FBXO33: variants seen among roughly 807,000 people sequenced by gnomAD.
The protein encoded by FBXO33 is F-box only protein 33.
FBXO33 carries 22 observed loss-of-function variants against 46.3 expected under a neutral mutation model. The ratio of observed to expected loss-of-function variants is 0.48; its 90% confidence interval spans 0.34 to 0.68. The LOEUF is 0.68. Among genes scored for constraint, FBXO33 ranks in the 30% least tolerant of loss-of-function variants. FBXO33 has a pLI of 0.01. For synonymous variants in FBXO33, 337 were observed against 291.3 expected (o/e 1.16, Z -1.60); for missense variants, 692 against 708.8 (o/e 0.98, Z 0.27).
At chr14:39,428,769 A>C (rs1002899698) in intron 1 of FBXO33, among the ~76,000 whole-genome samples, 16 of 152,334 alleles carry the variant, frequency 1.1e-4, no homozygotes, top group African/African-American at 3.8e-4. Context: ...TTAAATGCTA[A>C]AAATGCATTT....
chr14:39,430,149 T>C (rs756198940), intron 1 of FBXO33, among the ~76,000 whole-genome samples: 10 of 152,192 alleles, frequency 6.6e-5, no homozygotes, highest in Non-Finnish European at 1.3e-4. Context: ...GGTCAGTTGG[T>C]CCTCTAGCCA....
intron 1 of FBXO33, among the ~76,000 whole-genome samples, chr14:39,408,695 A>G (rs1165140982): frequency 2.7e-5 from 4 of 147,338 alleles, no homozygotes; most frequent in African/African-American, 1.0e-4. Flanking sequence ...TTTTCAGTAG[A>G]TACAGGTTTC....
rs897637203 is a variant in FBXO33 at position 39,398,278 on chromosome 14, C to T, written c.*1238G>A. 1 of 152,586 alleles carries T rather than the reference C, an allele frequency of 6.6e-6. No individual in the cohort carries two copies. The highest frequency in any genetic ancestry group is 2.4e-5 in the African/African-American group (1 of 41,428). The allele number at this position is 152,586 out of a possible 1,614,324, so 9.5% of individuals were successfully genotyped here. A position where few individuals can be genotyped will look rare whatever the true frequency, so the allele number is the denominator to read the frequency against. ...TCTCACAGAGACCACGTCTGTACCG[C>T]GGTTGCCCTGAAACAGTTAATAGGC... On this transcript the variant is annotated 3_prime_UTR_variant, in exon 4 of 4. Transcript: ENST00000298097.
rs751717256 is a variant in FBXO33 at position 39,431,857 on chromosome 14, G to A, written c.306C>T (p.Leu102=). The A allele has an allele frequency of 2.5e-6, 4 of 1,593,724 alleles. No homozygotes were observed. The highest frequency in any genetic ancestry group is 2.3e-5 in the East Asian group (1 of 44,360). ...GCTGGGGCCACAGGGCCGGATAGAA[G>A]AGGCACTCACGCCAGTGCGAGCAGG... is the stretch of plus-strand genomic sequence containing the variant. The part of the protein sequence containing the change: ...SASCSHWREC[L]FYPALWPQLR... Residue 102 remains leucine (L), a synonymous_variant, in exon 1 of 4, where the codon CTC becomes CTT. Coordinates refer to ENST00000298097, the MANE Select transcript of FBXO33 (RefSeq NM_203301.4).
chr14:39,426,453 A>T (rs1365007835), intron 1 of FBXO33, among the ~76,000 whole-genome samples: 1 of 152,218 alleles, frequency 6.6e-6, no homozygotes, highest in Admixed American at 6.5e-5. Flanking sequence ...TAAAATGGCC[A>T]GGGTGATTGT....
chr14:39,418,301 G>C (rs965690611), intron 1 of FBXO33, among the ~76,000 whole-genome samples: 11 of 150,172 alleles, frequency 7.3e-5, no homozygotes, highest in South Asian at 2.1e-4. Context: ...CTGACCTCGT[G>C]ATCCGCCTGC....
chr14:39,418,098 C>T (rs1455238354), intron 1 of FBXO33, among the ~76,000 whole-genome samples: 1 of 151,734 alleles, frequency 6.6e-6, no homozygotes, highest in Non-Finnish European at 1.5e-5. Context: ...GAGTCTTGCT[C>T]TGTCACCCAG....
chr14:39,411,151 A>G (rs1445057499), intron 1 of FBXO33, among the ~76,000 whole-genome samples: 1 of 151,672 alleles, frequency 6.6e-6, no homozygotes, highest in Non-Finnish European at 1.5e-5. Context: ...GCTGGAGTGC[A>G]GTGGTGTGAT....
chr14:39,405,106 G>C (rs1038865015), intron 1 of FBXO33, among the ~76,000 whole-genome samples: 6 of 145,144 alleles, frequency 4.1e-5, no homozygotes, highest in Non-Finnish European at 8.9e-5. Context: ...CCGAGATCAC[G>C]CCATTGCGTG....
chr14:39,414,378 A>G (rs998711884), intron 1 of FBXO33, among the ~76,000 whole-genome samples: 9 of 152,220 alleles, frequency 5.9e-5, no homozygotes, highest in African/African-American at 2.2e-4. Context: ...TTCATCTTCT[A>G]TCCAGACCAC....
intron 1 of FBXO33, among the ~76,000 whole-genome samples, chr14:39,427,629 T>A (rs1205028257): frequency 1.3e-5 from 2 of 152,120 alleles, no homozygotes; most frequent in Non-Finnish European, 2.9e-5. Flanking sequence ...TCCAGGGAAT[T>A]TTTAACCCAT....
chr14:39,411,863 A>G (rs1311003974), intron 1 of FBXO33, among the ~76,000 whole-genome samples: 1 of 152,096 alleles, frequency 6.6e-6, no homozygotes, highest in African/African-American at 2.4e-5. Flanking sequence ...TAATTTCCAT[A>G]TATTTGTAAA....
Position 39,406,651 on chromosome 14 carries a change from G to A in FBXO33, c.600-4140C>T, listed in dbSNP as rs558921436. On this transcript the variant is annotated intron_variant, in intron 1 of 3. Transcript: ENST00000298097. ...TTGCAGTCTAGAATTTTAGGGCAGA[G>A]TACCAGAGACAAACTGTACAGAAAG... Among the ~76,000 whole-genome samples, 6 of 152,256 alleles carry A rather than the reference G, an allele frequency of 3.9e-5. No individual in the cohort carries two copies. The East Asian group carries it at 1.2e-3, about 29-fold the overall frequency.
intron 1 of FBXO33, among the ~76,000 whole-genome samples, chr14:39,410,209 TTCC>T (rs1157892393): frequency 5.9e-5 from 9 of 152,208 alleles, no homozygotes; most frequent in Non-Finnish European, 1.2e-4. Flanking sequence ...TTGAGGTACA[TTCC>T]TCCTATGGTT....
chr14:39,407,408 A>T lies in FBXO33; in HGVS notation c.600-4897T>A, dbSNP rs537437171. 3.9e-5 allele frequency among the ~76,000 whole-genome samples: 6 copies of T among 152,362 alleles called. No individual in the cohort carries two copies. In the South Asian group the frequency reaches 1.2e-3, roughly 32 times the overall value. On this transcript the variant is annotated intron_variant, in intron 1 of 3. Coordinates refer to ENST00000298097, the MANE Select transcript of FBXO33 (RefSeq NM_203301.4). ...TACAACAGATCTCTAGAAATTTTTC[A>T]TCTTGCAGAACAGAAATTTTATACT...
chr14:39,421,324 A>G (rs1251051705), intron 1 of FBXO33, among the ~76,000 whole-genome samples: 1 of 152,144 alleles, frequency 6.6e-6, no homozygotes, highest in African/African-American at 2.4e-5. Context: ...CACCTTAAGG[A>G]GTATACGTGA....
intron 1 of FBXO33, among the ~76,000 whole-genome samples, chr14:39,415,811 T>A (rs1318950770): frequency 6.6e-6 from 1 of 152,054 alleles, no homozygotes; most frequent in East Asian, 1.9e-4. Flanking sequence ...GGTTTACAGG[T>A]ACCCCCTACC....
Position 39,432,055 on chromosome 14 carries a change from T to G in FBXO33, c.108A>C (p.Arg36=). The G allele has an allele frequency of 4.9e-6, 6 of 1,221,070 alleles. No homozygotes were observed. The highest frequency in any genetic ancestry group is 2.8e-5 in the South Asian group (1 of 35,338). The allele number at this position is 1,221,070 out of a possible 1,614,324, so 75.6% of individuals were successfully genotyped here. A position where few individuals can be genotyped will look rare whatever the true frequency, so the allele number is the denominator to read the frequency against. Residue 36 remains arginine (R), a synonymous_variant, in exon 1 of 4, where the codon CGA becomes CGC. Transcript: ENST00000298097. ...RWRRLRLQQL[R]RLRGLLRVLR... ...GTACCCGGAGCAGCCCCCGCAGCCG[T>G]CGCAGCTGCTGCAGCCGCAGCCGCC...
chr14:39,419,219 G>A (rs552913909), intron 1 of FBXO33, among the ~76,000 whole-genome samples: 2 of 152,252 alleles, frequency 1.3e-5, no homozygotes, highest in South Asian at 4.1e-4. Context: ...CAAGTGATAG[G>A]AAAAATTATA....
Sources: allele counts gnomAD v4.1 joint callset (sites outside exome capture counted in the v4.1 genomes callset), GRCh38; gene constraint gnomAD v4.1.1; transcripts MANE v1.5; gene names NCBI Gene and HGNC (gene_info 2026-07-23, HGNC 2026-07-21).